NRDC: variants seen among roughly 807,000 people sequenced by gnomAD.
NRDC encodes the protein nardilysin.
NRDC carries 54 observed loss-of-function variants against 147.1 expected under a neutral mutation model. The ratio of observed to expected loss-of-function variants is 0.37; its 90% CI spans 0.29 to 0.46. NRDC has a LOEUF of 0.46. Ranked by LOEUF, NRDC falls within the 20% of genes least tolerant of loss-of-function variation. The pLI is 1.00. For synonymous variants in NRDC, 440 were observed against 482.1 expected (o/e 0.91, Z 1.14); for missense variants, 1,082 against 1,370.6 (o/e 0.79, Z 3.33).
At position 51,820,180 on chromosome 1, in the gene NRDC, T is replaced by C. The variant is rs79502117; in HGVS notation, c.1218-307A>G. Among the ~76,000 whole-genome samples, 24 of 152,312 alleles carry C rather than the reference T, an allele frequency of 1.6e-4. 1 individual carries two copies. The East Asian group carries it at 4.6e-3, about 29-fold the overall frequency. Reference sequence around the variant, plus strand: ...CCTCATTTAATTTCAGTTCTCCTCCTAGACAAAGCCATTCCAGAAAGAAAC... The same window carrying C: ...CCTCATTTAATTTCAGTTCTCCTCCCAGACAAAGCCATTCCAGAAAGAAAC... On this transcript the variant is annotated intron_variant, in intron 8 of 30. Transcript: ENST00000352171.
intron 24 of NRDC, among the ~76,000 whole-genome samples, chr1:51,793,541 A>G (rs1678748483): frequency 6.6e-6 from 1 of 152,224 alleles, no homozygotes; most frequent in Non-Finnish European, 1.5e-5. Context: ...ACAAGACACA[A>G]CTTCACTAAC....
At position 51,810,410 on chromosome 1, in the gene NRDC, A is replaced by C. The variant is rs977034851; in HGVS notation, c.1780-6T>G. On this transcript the variant is annotated splice_region_variant and splice_polypyrimidine_tract_variant and intron_variant, in intron 15 of 30. Coordinates refer to ENST00000352171, the MANE Select transcript of NRDC (RefSeq NM_001101662.2). ...TTCAAGGCTTCACCAATGACCTAGT[A>C]AAGTGGGAAGAGGGGAAAGAGATAC... The C allele has an allele frequency of 1.9e-6, 3 of 1,609,190 alleles. No individual in the cohort carries two copies. In the East Asian group the frequency reaches 6.7e-5, roughly 36 times the overall value.
intron 1 of NRDC, among the ~76,000 whole-genome samples, chr1:51,877,514 C>T (rs1434732473): frequency 6.6e-6 from 1 of 151,942 alleles, no homozygotes; most frequent in African/African-American, 2.4e-5. Flanking sequence ...CACACACGCA[C>T]ACACACACAC....
intron 1 of NRDC, among the ~76,000 whole-genome samples, chr1:51,868,292 G>A (rs1682917749): frequency 6.6e-6 from 1 of 152,036 alleles, no homozygotes; most frequent in Non-Finnish European, 1.5e-5. Context: ...AGGGACGATT[G>A]AAAGAAAACA....
rs1241549799 is a variant in NRDC, at chr1:51,803,823, G to A, written c.2304C>T (p.His768=). 1.2e-6 allele frequency: 2 copies of A among 1,612,026 alleles called. No individual in the cohort carries two copies. The highest frequency in any genetic ancestry group is 2.2e-5 in the East Asian group (1 of 44,862). ...GLIIRVKGFN[H]KLPLLFQLII... ...GAGTACTTGTACTTACAGGTAGTTT[G>A]TGGTTAAATCCTTTCACTCGAATAA... Residue 768 remains histidine, a synonymous_variant, in exon 20 of 31, where the codon CAC becomes CAT. Transcript: ENST00000352171.
intron 9 of NRDC, 120 bp downstream of exon 9, chr1:51,819,680 T>C: frequency 2.6e-6 from 2 of 765,602 alleles, no homozygotes; most frequent in East Asian, 5.5e-5. Flanking sequence ...CTACTTCCTT[T>C]CCAACCCAGC....
At chr1:51,790,877 A>G (rs1260733025) in intron 28 of NRDC, 23 bp downstream of exon 28, 5 of 1,598,058 alleles carry the variant, frequency 3.1e-6, no homozygotes, top group Non-Finnish European at 4.3e-6. Flanking sequence ...CCAAAGGCCA[A>G]AAGACCAGGC....
chr1:51,816,384 T>C lies in NRDC; in HGVS notation c.1367A>G (p.Lys456Arg). The part of the protein sequence containing the change: ...LPPQQQHYRV[K>R]PLHYISWLVG... ...CAGCCAGGATATATAATGAAGTGGCTTCACCCTTTTAAAAAAATTTAATGG... is the reference window on the plus strand; with the variant it reads ...CAGCCAGGATATATAATGAAGTGGCCTCACCCTTTTAAAAAAATTTAATGG... The change falls in exon 11 of 31, where the codon AAG becomes AGG. Residue 456 changes from lysine to arginine, a missense_variant. Around this residue, in one of 3 missense-constraint regions of NRDC, gnomAD observed 635 missense variants for 923.8 expected, o/e 0.69. Transcript: ENST00000352171. The C allele has an allele frequency of 6.4e-7, 1 of 1,571,482 alleles. No homozygotes were observed. Among genetic ancestry groups the C allele is most frequent in the Non-Finnish European group, 8.6e-7 (1 of 1,158,502 alleles).
intron 11 of NRDC, among the ~76,000 whole-genome samples, chr1:51,815,644 C>G (rs959415319): frequency 1.3e-5 from 2 of 152,092 alleles, no homozygotes; most frequent in East Asian, 1.9e-4. Context: ...ACTCTCCCCT[C>G]TTAGTTTTCT....
chr1:51,877,133 A>C (rs1188664724), intron 1 of NRDC, among the ~76,000 whole-genome samples: 1 of 139,176 alleles, frequency 7.2e-6, no homozygotes, highest in Non-Finnish European at 1.6e-5. Context: ...GGTTGCAGTG[A>C]GCCAAGATCG....
intron 1 of NRDC, among the ~76,000 whole-genome samples, chr1:51,846,398 G>A (rs951391493): frequency 2.0e-5 from 3 of 152,204 alleles, no homozygotes; most frequent in Admixed American, 2.0e-4. Flanking sequence ...ACAGACATGA[G>A]CCACCGTGCA....
intron 1 of NRDC, among the ~76,000 whole-genome samples, chr1:51,843,311 TAA>T (rs11326967): frequency 0.033 from 4,667 of 139,404 alleles, 135 homozygotes; most frequent in South Asian, 0.1. Flanking sequence ...CAAAAAAGGT[TAA>T]AAAAAAAAAA....
intron 4 of NRDC, among the ~76,000 whole-genome samples, chr1:51,829,965 C>CTTTTTTT (rs941972546): frequency 2.3e-5 from 3 of 131,276 alleles, no homozygotes; most frequent in African/African-American, 9.1e-5. Context: ...TCTTTTATTT[C>CTTTTTTT]TTTTTTTTTT....
In NRDC at chr1:51,809,183, T is replaced by C. The variant is rs867082718; in HGVS notation, c.1990+132A>G. ...CTCATTTGGAAAAGTAAGAAAATAC[T>C]AATGCCAACCTCAGAATGTTACTGG... On this transcript the variant is annotated intron_variant, in intron 17 of 30. Transcript: ENST00000352171. The C allele has an allele frequency of 7.1e-6, 5 of 708,022 alleles. No homozygotes were observed. In the South Asian group the frequency reaches 9.0e-5, roughly 13 times the overall value. 43.9% of individuals were successfully genotyped at this position (708,022 alleles called of 1,614,324 possible). A position where few individuals can be genotyped will look rare whatever the true frequency, so the allele number is the denominator to read the frequency against.
At position 51,816,370 on chromosome 1, in the gene NRDC, T is replaced by C; in HGVS notation, c.1381A>G (p.Ile461Val). Residue 461 changes from isoleucine to valine, a missense_variant, in exon 11 of 31, where the codon ATA becomes GTA. Physicochemically the swap from Ile to Val is conservative, Grantham distance 29. This residue lies in a region of NRDC where 635 missense variants were observed against 923.8 expected (regional missense o/e 0.69). Coordinates refer to ENST00000352171, the MANE Select transcript of NRDC (RefSeq NM_001101662.2). Reference sequence around the variant, plus strand: ...CCTTCATGTCCAACCAGCCAGGATATATAATGAAGTGGCTTCACCCTTTTA... The same window carrying C: ...CCTTCATGTCCAACCAGCCAGGATACATAATGAAGTGGCTTCACCCTTTTA... ...QHYRVKPLHY[I>V]SWLVGHEGKG... 2 of 1,600,570 alleles carry C rather than the reference T, an allele frequency of 1.2e-6. No homozygotes were observed. Among genetic ancestry groups the C allele is most frequent in the African/African-American group, 1.3e-5 (1 of 74,572 alleles).
intron 1 of NRDC, among the ~76,000 whole-genome samples, chr1:51,869,629 T>G (rs1337372542): frequency 3.9e-5 from 6 of 152,228 alleles, no homozygotes; most frequent in Non-Finnish European, 8.8e-5. Context: ...ATTGTAAAAC[T>G]GTAACATAAT....
intron 1 of NRDC, among the ~76,000 whole-genome samples, chr1:51,877,478 T>C (rs1455201631): frequency 6.6e-6 from 1 of 151,966 alleles, no homozygotes; most frequent in African/African-American, 2.4e-5. Context: ...CTGGGCAACA[T>C]CGCAAGACCC....
At chr1:51,793,440 G>T (rs960816777) in intron 24 of NRDC, among the ~76,000 whole-genome samples, 4 of 152,200 alleles carry the variant, frequency 2.6e-5, no homozygotes, top group Non-Finnish European at 5.9e-5. Context: ...CCAGAGAGAA[G>T]CAGGGCCTCT....
intron 1 of NRDC, among the ~76,000 whole-genome samples, chr1:51,862,810 G>A (rs1682606142): frequency 6.6e-6 from 1 of 151,628 alleles, no homozygotes; most frequent in Non-Finnish European, 1.5e-5. Flanking sequence ...GAGGCCAGGA[G>A]TTTGAGACCA....
Sources: gnomAD v4.1 joint callset for allele counts (sites outside exome capture counted in the v4.1 genomes callset) on GRCh38, gnomAD v4.1.1 for gene constraint, gnomAD v4.1.1 regional missense constraint, MANE v1.5 for transcripts, NCBI Gene and HGNC (gene_info 2026-07-23, HGNC 2026-07-21) for gene names.